The following CFAP299 variants were observed in gnomAD, a reference collection of about 807,000 sequenced individuals.
CFAP299 encodes cilia- and flagella-associated protein 299.
CFAP299 carries 21 observed loss-of-function variants against 27.0 expected under a neutral mutation model. The observed-to-expected ratio is 0.78, with a 90% CI of 0.55 to 1.12. CFAP299 has a LOEUF of 1.12. CFAP299 is among the 50% of genes most tolerant of loss of function. The pLI is 0.00. For missense variants in CFAP299, 310 were observed against 276.6 expected, an observed-to-expected ratio of 1.12 and a Z score of -0.86; for synonymous variants, 104 against 98.1, an observed-to-expected ratio of 1.06 and a Z score of -0.36.
intron 3 of CFAP299, among the ~76,000 whole-genome samples, chr4:80,627,182 A>G (rs1016473674): frequency 6.6e-6 from 1 of 151,958 alleles, no homozygotes; most frequent in Non-Finnish European, 1.5e-5. Flanking sequence ...TGATGCAAGG[A>G]TGGTCCTATA....
chr4:80,466,449 T>G (rs932120405), intron 2 of CFAP299, among the ~76,000 whole-genome samples: 12 of 152,216 alleles, frequency 7.9e-5, no homozygotes, highest in African/African-American at 2.9e-4. Context: ...CTCAAAACTT[T>G]TTTTAAAACA....
At chr4:80,582,706 A>G (rs907558668) in intron 2 of CFAP299, among the ~76,000 whole-genome samples, 6 of 151,830 alleles carry the variant, frequency 4.0e-5, no homozygotes, top group African/African-American at 1.4e-4. Context: ...TGCATAGCAT[A>G]GGTGTCTAGT....
chr4:80,653,418 C>T (rs1034938379), intron 3 of CFAP299, among the ~76,000 whole-genome samples: 22 of 20,442 alleles, frequency 1.1e-3, no homozygotes, highest in African/African-American at 3.9e-3. Context: ...TAAAAAATTA[C>T]AAATGGCCTC....
intron 3 of CFAP299, among the ~76,000 whole-genome samples, chr4:80,749,629 C>G (rs146820782): frequency 0.011 from 1,710 of 152,288 alleles, 34 homozygotes; most frequent in African/African-American, 0.038. Context: ...ACTGGCAAAC[C>G]ACTAATGTAA....
intron 2 of CFAP299, among the ~76,000 whole-genome samples, chr4:80,455,619 A>C (rs1379637361): frequency 1.3e-5 from 2 of 152,202 alleles, no homozygotes; most frequent in Non-Finnish European, 2.9e-5. Flanking sequence ...GAAGTTGAAG[A>C]TAATTTGTAG....
chr4:80,714,486 ATC>A (rs2110039624), intron 3 of CFAP299, among the ~76,000 whole-genome samples: 2 of 152,176 alleles, frequency 1.3e-5, no homozygotes, highest in South Asian at 4.1e-4. Flanking sequence ...TTAAAATATT[ATC>A]TGATTTTATC....
chr4:80,948,544 T>A (rs1485179001), intron 5 of CFAP299, among the ~76,000 whole-genome samples: 3 of 152,154 alleles, frequency 2.0e-5, no homozygotes, highest in Non-Finnish European at 4.4e-5. Context: ...AAATACACTT[T>A]TTTTTTACTT....
chr4:80,826,489 A>C (rs1729994893), intron 3 of CFAP299, among the ~76,000 whole-genome samples: 1 of 151,792 alleles, frequency 6.6e-6, no homozygotes, highest in African/African-American at 2.4e-5. Context: ...TTTATTAATA[A>C]AAGGTTTAAT....
intron 4 of CFAP299, among the ~76,000 whole-genome samples, chr4:80,921,494 A>G (rs1350976745): frequency 6.6e-6 from 1 of 152,060 alleles, no homozygotes; most frequent in Non-Finnish European, 1.5e-5. Context: ...AGCATGAACA[A>G]GGGCATAAAA....
chr4:80,665,994 C>T (rs182105323), intron 3 of CFAP299, among the ~76,000 whole-genome samples: 51 of 152,230 alleles, frequency 3.4e-4, no homozygotes, highest in African/African-American at 1.2e-3. Flanking sequence ...ACTATGCTTT[C>T]TGTACAGCCT....
chr4:80,802,641 G>T (rs541084549), intron 3 of CFAP299, among the ~76,000 whole-genome samples: 1 of 152,020 alleles, frequency 6.6e-6, no homozygotes, highest in South Asian at 2.1e-4. Flanking sequence ...TTTGAAATAG[G>T]TCTCATCCTG....
intron 2 of CFAP299, among the ~76,000 whole-genome samples, chr4:80,537,675 A>T (rs755578358): frequency 2.0e-5 from 3 of 152,094 alleles, no homozygotes; most frequent in Non-Finnish European, 4.4e-5. Context: ...GTTGCTGGAC[A>T]CTGAGGTGGG....
chr4:80,690,277 G>T (rs1256484013), intron 3 of CFAP299, among the ~76,000 whole-genome samples: 4 of 150,036 alleles, frequency 2.7e-5, no homozygotes, highest in Admixed American at 6.6e-5. Context: ...TTCCAAAATT[G>T]ACCACATACT....
At chr4:80,659,066 T>A (rs1325700665) in intron 3 of CFAP299, among the ~76,000 whole-genome samples, 1 of 152,172 alleles carries the variant, frequency 6.6e-6, no homozygotes, top group Non-Finnish European at 1.5e-5. Flanking sequence ...AAATTTTGGC[T>A]TTAGTTCTGA....
chr4:80,906,422 G>T, intron 4 of CFAP299, among the ~76,000 whole-genome samples: 1 of 152,162 alleles, frequency 6.6e-6, no homozygotes, highest in South Asian at 2.1e-4. Flanking sequence ...ACGATTCTGG[G>T]GCCTGGAGGA....
At chr4:80,359,287 A>T (rs1723427274) in intron 1 of CFAP299, among the ~76,000 whole-genome samples, 1 of 152,066 alleles carries the variant, frequency 6.6e-6, no homozygotes, top group Admixed American at 6.6e-5. Context: ...GAATCTGATG[A>T]TTATGTATCT....
intron 2 of CFAP299, among the ~76,000 whole-genome samples, chr4:80,366,308 A>C (rs1723830523): frequency 6.6e-6 from 1 of 152,220 alleles, no homozygotes; most frequent in South Asian, 2.1e-4. Flanking sequence ...TGGTCTAGCA[A>C]TCATAGAGCA....
chr4:80,587,393 G>C (rs1296833551), intron 3 of CFAP299, among the ~76,000 whole-genome samples: 1 of 152,162 alleles, frequency 6.6e-6, no homozygotes, highest in Non-Finnish European at 1.5e-5. Flanking sequence ...AAAGAGCGAA[G>C]GTTATGGAGT....
intron 2 of CFAP299, among the ~76,000 whole-genome samples, chr4:80,370,370 C>G (rs1327622597): frequency 6.6e-6 from 1 of 152,168 alleles, no homozygotes; most frequent in African/African-American, 2.4e-5. Flanking sequence ...AATCTCATGT[C>G]CCTCTCACAT....
Sources: gnomAD v4.1 joint callset for allele counts (sites outside exome capture counted in the v4.1 genomes callset) on GRCh38, gnomAD v4.1.1 for gene constraint, MANE v1.5 for transcripts, NCBI Gene and HGNC (gene_info 2026-07-23, HGNC 2026-07-21) for gene names.